EDN3: variants seen among roughly 807,000 people sequenced by gnomAD.
EDN3 encodes endothelin-3.
In EDN3, 9 loss-of-function variants were observed where a neutral mutation model predicts 21.4. The observed-to-expected ratio is 0.42, with a 90% CI of 0.25 to 0.73. The LOEUF (loss-of-function observed/expected upper bound fraction) is 0.73, where lower values mean the gene tolerates loss of function less well. EDN3 is among the 30% of genes least tolerant of loss of function. EDN3 has a pLI of 0.26. For synonymous variants in EDN3, 133 were observed against 126.2 expected, an observed-to-expected ratio of 1.05 and a Z score of -0.36; for missense variants, 327 against 309.4, an observed-to-expected ratio of 1.06 and a Z score of -0.43.
Position 59,324,724 on chromosome 20 carries a change from G to A in EDN3, c.*265G>A. ...CGGTTTCATGCAGGAAATTGGTTTT[G>A]GAGAGTTTTGGCAAGTTGGAAAGCC... On this transcript the variant is annotated 3_prime_UTR_variant, in exon 5 of 5. Transcript: ENST00000337938. 1 of 526,624 alleles carries A rather than the reference G, an allele frequency of 1.9e-6. No individual in the cohort carries two copies. The highest frequency in any genetic ancestry group is 3.4e-6 in the Non-Finnish European group (1 of 292,678). 32.6% of individuals were successfully genotyped at this position (526,624 alleles called of 1,614,324 possible).
At chr20:59,318,490 C>T (rs573927322) in intron 2 of EDN3, among the ~76,000 whole-genome samples, 44 of 152,338 alleles carry the variant, frequency 2.9e-4, no homozygotes, top group African/African-American at 9.9e-4. Flanking sequence ...GCCTCCATCG[C>T]GAACTCTCAT....
intron 2 of EDN3, among the ~76,000 whole-genome samples, chr20:59,313,243 G>A (rs1393955193): frequency 2.0e-5 from 3 of 152,164 alleles, no homozygotes; most frequent in African/African-American, 7.2e-5. Context: ...GAGATATTGG[G>A]ACTTGATTTT....
intron 2 of EDN3, among the ~76,000 whole-genome samples, chr20:59,311,229 G>A (rs1989782764): frequency 1.3e-5 from 2 of 152,162 alleles, no homozygotes; most frequent in South Asian, 4.2e-4. Flanking sequence ...TAAATCTATT[G>A]GAGCTATTAC....
rs1037933745 is a variant in EDN3, at chr20:59,305,299, A to G, written c.365+3577A>G. Among the ~76,000 whole-genome samples, 2 of 152,146 alleles carry G rather than the reference A, an allele frequency of 1.3e-5. No homozygotes were observed. The highest frequency in any genetic ancestry group is 4.8e-5 in the African/African-American group (2 of 41,428). On this transcript the variant is annotated intron_variant, in intron 2 of 4. Coordinates refer to ENST00000337938, the MANE Select transcript of EDN3 (RefSeq NM_207034.3). The surrounding 1 kb of genome is among the most constrained non-coding windows in gnomAD (Gnocchi z 4.2). ...ATCAGAGAAAAACATATCCCATCCT[A>G]TTGTCATGGATAAGTTGCCAAGAAT... is the stretch of plus-strand genomic sequence containing the variant.
At chr20:59,318,650 C>T (rs1340532208) in intron 2 of EDN3, among the ~76,000 whole-genome samples, 1 of 152,236 alleles carries the variant, frequency 6.6e-6, no homozygotes, top group Admixed American at 6.5e-5. Context: ...GGGGAGGGGG[C>T]CGTGCCTCTC....
rs1568828458 is a variant in EDN3, at chr20:59,305,944, C to T, written c.365+4222C>T. Among the ~76,000 whole-genome samples the T allele has an allele frequency of 6.6e-6, 1 of 152,164 alleles. No homozygotes were observed. The highest frequency in any genetic ancestry group is 1.5e-5 in the Non-Finnish European group (1 of 68,032). ...GCACAGTATCCTAGCCAAGTTGACA[C>T]CTAAAGTGACCCATAACGGGGATGT... On this transcript the variant is annotated intron_variant, in intron 2 of 4. Transcript: ENST00000337938. The surrounding 1 kb of genome is among the most constrained non-coding windows in gnomAD (Gnocchi z 4.2).
rs1287198138 is a variant in EDN3, at chr20:59,325,930, A to G, written c.*1471A>G. ...AGATGGTATCAGAGAGAAACCCATC[A>G]ATTGCTCAAATACTCAGAAAGTACT... is the stretch of plus-strand genomic sequence containing the variant. On this transcript the variant is annotated 3_prime_UTR_variant, in exon 5 of 5. Transcript: ENST00000337938. 1 of 152,262 alleles carries G rather than the reference A, an allele frequency of 6.6e-6. No individual in the cohort carries two copies. Among genetic ancestry groups the G allele is most frequent in the Non-Finnish European group, 1.5e-5 (1 of 68,046 alleles). 9.4% of individuals were successfully genotyped at this position (152,262 alleles called of 1,614,324 possible). A position where few individuals can be genotyped will look rare whatever the true frequency, so the allele number is the denominator to read the frequency against.
chr20:59,303,248 A>G (rs1303600506), intron 2 of EDN3, among the ~76,000 whole-genome samples: 1 of 152,140 alleles, frequency 6.6e-6, no homozygotes, highest in Non-Finnish European at 1.5e-5. Context: ...CACCTAGAGG[A>G]TGGGAGGTGC....
chr20:59,324,307 T>G, intron 4 of EDN3, 24 bp from the exon 5 acceptor site: 2 of 1,614,008 alleles, frequency 1.2e-6, no homozygotes, highest in African/African-American at 2.7e-5. Context: ...TTTTTTTTTC[T>G]TTTGCCCCCT....
chr20:59,301,615 G>A lies in EDN3; in HGVS notation c.258G>A (p.Glu86=). 6.2e-7 allele frequency: 1 copy of A among 1,614,070 alleles called. No individual in the cohort carries two copies. Among genetic ancestry groups the A allele is most frequent in the Non-Finnish European group, 8.5e-7 (1 of 1,179,976 alleles). The change falls in exon 2 of 5, where the codon GAG becomes GAA. Residue 86 remains glutamate, a synonymous_variant. Transcript: ENST00000337938. ...GCCCTGGGCAGGAGCAGGCGGCCGA[G>A]GGGGCCCCTGAGCACCACCGATCCA... ...PGSPGQEQAA[E]GAPEHHRSRR...
At chr20:59,318,279 G>A (rs1043906987) in intron 2 of EDN3, among the ~76,000 whole-genome samples, 9 of 152,198 alleles carry the variant, frequency 5.9e-5, no homozygotes, top group Admixed American at 2.6e-4. Flanking sequence ...GTGGGATGGC[G>A]CAGGATAGCA....
At chr20:59,304,314 T>C (rs1428550626) in intron 2 of EDN3, among the ~76,000 whole-genome samples, 1 of 152,242 alleles carries the variant, frequency 6.6e-6, no homozygotes, top group Non-Finnish European at 1.5e-5. Context: ...CAGTCTTTTC[T>C]AGTGGTTCTG....
Position 59,324,744 on chromosome 20 carries a change from AAAGCCACTT to A in EDN3, c.*287_*295del. 2 of 491,370 alleles carry A rather than the reference AAAGCCACTT, an allele frequency of 4.1e-6. No individual in the cohort carries two copies. Among genetic ancestry groups the A allele is most frequent in the Non-Finnish European group, 7.4e-6 (2 of 269,668 alleles). 30.4% of individuals were successfully genotyped at this position (491,370 alleles called of 1,614,324 possible). A position where few individuals can be genotyped will look rare whatever the true frequency, so the allele number is the denominator to read the frequency against. On this transcript the variant is annotated 3_prime_UTR_variant, in exon 5 of 5. Transcript: ENST00000337938. ...GTTTTGGAGAGTTTTGGCAAGTTGGAAAGCCACTTACTGGCTTTTGACATGACTTCTCTT... is the reference window on the plus strand; with the variant it reads ...GTTTTGGAGAGTTTTGGCAAGTTGGAACTGGCTTTTGACATGACTTCTCTT...
In EDN3 at chr20:59,320,994, T is replaced by C. The variant is rs913018208; in HGVS notation, c.366-23T>C. The C allele has an allele frequency of 1.9e-6, 3 of 1,613,978 alleles. No homozygotes were observed. The African/African-American group carries it at 4.0e-5, about 22-fold the overall frequency. ...GCAGGGAGGCCTGGGTGTGCTCACC[T>C]AACATTACCCTGTGCTTTGCAGACA... is the stretch of plus-strand genomic sequence containing the variant. On this transcript the variant is annotated intron_variant, in intron 2 of 4. Coordinates refer to ENST00000337938, the MANE Select transcript of EDN3 (RefSeq NM_207034.3).
chr20:59,317,082 G>A (rs899905722), intron 2 of EDN3, among the ~76,000 whole-genome samples: 8 of 152,178 alleles, frequency 5.3e-5, no homozygotes, highest in Non-Finnish European at 1.2e-4. Context: ...AAGGTTCTCC[G>A]CCAATTTCAC....
rs3026590 is a variant in EDN3, at chr20:59,315,466, G to T, written c.366-5551G>T. On this transcript the variant is annotated intron_variant, in intron 2 of 4. Coordinates refer to ENST00000337938, the MANE Select transcript of EDN3 (RefSeq NM_207034.3). ...AGGAAGCAGATCATCAACTTGACAT[G>T]TATCCTAAGTGTGACATGAACATGT... Among the ~76,000 whole-genome samples, 364 of 152,342 alleles carry T rather than the reference G, an allele frequency of 2.4e-3. 2 individuals carry two copies. The highest frequency in any genetic ancestry group is 8.4e-3 in the African/African-American group (348 of 41,582).
chr20:59,318,536 G>T (rs1358053337), intron 2 of EDN3, among the ~76,000 whole-genome samples: 1 of 152,126 alleles, frequency 6.6e-6, no homozygotes, highest in Non-Finnish European at 1.5e-5. Context: ...GGCTCTGCTG[G>T]GCCGTCAGCT....
chr20:59,309,761 T>G (rs1989673517), intron 2 of EDN3, among the ~76,000 whole-genome samples: 1 of 152,148 alleles, frequency 6.6e-6, no homozygotes. Flanking sequence ...TCGCAGTTTG[T>G]TGGAAAGGTC....
Position 59,324,556 on chromosome 20 carries a change from C to A in EDN3, c.*97C>A. On this transcript the variant is annotated 3_prime_UTR_variant, in exon 5 of 5. Coordinates refer to ENST00000337938, the MANE Select transcript of EDN3 (RefSeq NM_207034.3). ...TCTTTATAGACAAGAAGTGAATTTG[C>A]CTGGGGCAGAACACCCACCCAAAGA... The A allele has an allele frequency of 6.4e-7, 1 of 1,573,190 alleles. No individual in the cohort carries two copies. Among genetic ancestry groups the A allele is most frequent in the Non-Finnish European group, 8.7e-7 (1 of 1,149,400 alleles).
Sources: gnomAD v4.1 joint callset for allele counts (sites outside exome capture counted in the v4.1 genomes callset) on GRCh38, gnomAD v4.1.1 for gene constraint, Gnocchi (gnomAD v3.1) non-coding constraint, MANE v1.5 for transcripts, NCBI Gene and HGNC (gene_info 2026-07-23, HGNC 2026-07-21) for gene names.